RNF212B: variants seen among roughly 807,000 people sequenced by gnomAD.
RNF212B encodes ring finger protein 212B.
A neutral mutation model predicts 55.5 loss-of-function variants in RNF212B; 52 were observed. That is an observed-to-expected ratio of 0.94 (90% CI 0.75 to 1.18). RNF212B has a LOEUF of 1.18. Ranked by LOEUF, RNF212B falls within the 50% of genes most tolerant of loss-of-function variation. The pLI is 0.00. For synonymous variants in RNF212B, 99 were observed against 121.4 expected (o/e 0.82, Z 1.21); for missense variants, 289 against 350.4 (o/e 0.82, Z 1.40).
At position 23,269,052 on chromosome 14, in the gene RNF212B, C is replaced by T. The variant is rs768088170; in HGVS notation, c.674+89C>T. 32 of 1,114,304 alleles carry T rather than the reference C, an allele frequency of 2.9e-5. No homozygotes were observed. In the African/African-American group the frequency reaches 4.4e-4, roughly 15 times the overall value. 69.0% of individuals were successfully genotyped at this position (1,114,304 alleles called of 1,614,324 possible). ...GGGTGCGGTGGCTCACGCCTGTAAT[C>T]CCAGCACTTTGGGAGGCCGAGGAGG... On this transcript the variant is annotated intron_variant, in intron 12 of 14. Coordinates refer to ENST00000430154, the MANE Select transcript of RNF212B (RefSeq NM_001282322.3).
intron 2 of RNF212B, among the ~76,000 whole-genome samples, chr14:23,193,779 G>T (rs1328949727): frequency 6.6e-6 from 1 of 151,322 alleles, no homozygotes; most frequent in Non-Finnish European, 1.5e-5. Flanking sequence ...AATGGAAAGA[G>T]AAGAAGAGTG....
At chr14:23,250,992 C>T (rs1884364792) in intron 4 of RNF212B, among the ~76,000 whole-genome samples, 1 of 152,132 alleles carries the variant, frequency 6.6e-6, no homozygotes, top group Admixed American at 6.6e-5. Context: ...GGCAGGTTTG[C>T]CCTGAGCATT....
intron 2 of RNF212B, among the ~76,000 whole-genome samples, chr14:23,203,515 G>A (rs189407766): frequency 1.5e-5 from 2 of 135,750 alleles, no homozygotes; most frequent in Non-Finnish European, 3.1e-5. Context: ...GCCTTGCTCT[G>A]TCACCCACGC....
intron 2 of RNF212B, among the ~76,000 whole-genome samples, chr14:23,200,408 C>T (rs1020035992): frequency 6.6e-6 from 1 of 152,058 alleles, no homozygotes; most frequent in Non-Finnish European, 1.5e-5. Flanking sequence ...CCACTGCAAC[C>T]TCTGCCTCCT....
At chr14:23,257,414 T>C (rs2140466149) in intron 4 of RNF212B, among the ~76,000 whole-genome samples, 1 of 152,324 alleles carries the variant, frequency 6.6e-6, no homozygotes, top group South Asian at 2.1e-4. Context: ...TAAATTCTTA[T>C]CTATCTAAAA....
At chr14:23,236,978 G>A (rs576891664), upstream of RNF212B, among the ~76,000 whole-genome samples, 364 of 73,818 alleles carry the variant, frequency 4.9e-3, 1 homozygote, top group Admixed American at 9.8e-3. Context: ...TTTTTTTTTT[G>A]TTTGAGGCAG....
intron 4 of RNF212B, 180 bp from the exon 5 acceptor site, chr14:23,258,369 C>T (rs908207913): frequency 1.6e-5 from 5 of 314,124 alleles, no homozygotes; most frequent in Non-Finnish European, 2.9e-5. Context: ...CAGTAGAAGG[C>T]TAGTGTCCTG....
chr14:23,240,642 G>T (rs921137331), intron 2 of RNF212B, among the ~76,000 whole-genome samples, 197 bp downstream of exon 2: 4 of 152,198 alleles, frequency 2.6e-5, no homozygotes, highest in Admixed American at 2.0e-4. Flanking sequence ...TTTAGCAAAT[G>T]ATTTAGCAAA....
intron 11 of RNF212B, among the ~76,000 whole-genome samples, chr14:23,266,772 T>C (rs1315418418): frequency 2.0e-5 from 3 of 152,164 alleles, no homozygotes; most frequent in Non-Finnish European, 4.4e-5. Flanking sequence ...ATGCTCCATG[T>C]GTATGTGGAA....
chr14:23,205,073 T>G (rs1879700099), intron 2 of RNF212B, among the ~76,000 whole-genome samples: 1 of 152,160 alleles, frequency 6.6e-6, no homozygotes, highest in Non-Finnish European at 1.5e-5. Flanking sequence ...ACATCCCTCC[T>G]TCTTAATCAA....
At chr14:23,221,238 A>AT (rs1172740022) in intron 2 of RNF212B, among the ~76,000 whole-genome samples, 1 of 151,860 alleles carries the variant, frequency 6.6e-6, no homozygotes, top group Non-Finnish European at 1.5e-5. Context: ...AATAGGAAAA[A>AT]AAAAAAAAAA....
intron 4 of RNF212B, among the ~76,000 whole-genome samples, chr14:23,252,657 G>T (rs147266144): frequency 6.6e-6 from 1 of 152,154 alleles, no homozygotes; most frequent in Non-Finnish European, 1.5e-5. Context: ...GGGGATCATT[G>T]ATTGGTTAAG....
upstream of RNF212B, among the ~76,000 whole-genome samples, chr14:23,235,802 G>C (rs545213843): frequency 2.6e-5 from 4 of 152,300 alleles, no homozygotes; most frequent in South Asian, 8.3e-4. Context: ...TGGTCTAAAT[G>C]TATGATGTTA....
chr14:23,266,062 C>T (rs1300459419), intron 11 of RNF212B, among the ~76,000 whole-genome samples: 1 of 152,068 alleles, frequency 6.6e-6, no homozygotes, highest in Non-Finnish European at 1.5e-5. Flanking sequence ...CTGCCACCTT[C>T]GCCTCCCAGG....
intron 4 of RNF212B, 48 bp downstream of exon 4, chr14:23,244,444 A>G: frequency 3.0e-6 from 3 of 988,594 alleles, no homozygotes; most frequent in East Asian, 5.2e-5. Context: ...GGCAAATTCT[A>G]ATTGCATCTT....
intron 11 of RNF212B, among the ~76,000 whole-genome samples, chr14:23,265,982 T>A (rs537935741): frequency 6.6e-6 from 1 of 152,206 alleles, no homozygotes; most frequent in Non-Finnish European, 1.5e-5. Context: ...TTTGTTCATT[T>A]GTGTTTTTTT....
At chr14:23,221,156 G>A (rs1224809946) in intron 2 of RNF212B, among the ~76,000 whole-genome samples, 1 of 151,808 alleles carries the variant, frequency 6.6e-6, no homozygotes, top group Non-Finnish European at 1.5e-5. Context: ...GGAGGCTGAG[G>A]TGGACAGATC....
In RNF212B at chr14:23,263,073, T is replaced by C. The variant is rs77087749; in HGVS notation, c.524+103T>C. 1,885 of 1,075,478 alleles carry C rather than the reference T, an allele frequency of 1.8e-3. 27 individuals carry two copies. The African/African-American group carries it at 0.026, about 15-fold the overall frequency. The allele number at this position is 1,075,478 out of a possible 1,614,324, so 66.6% of individuals were successfully genotyped here. A position where few individuals can be genotyped will look rare whatever the true frequency, so the allele number is the denominator to read the frequency against. On this transcript the variant is annotated intron_variant, in intron 9 of 14. Transcript: ENST00000430154. Reference sequence around the variant, plus strand: ...GGACTGATGAAATTTTAGGTCTATGTAGAAGTTTAAAGCTAGGGTTTTTTT... The same window carrying C: ...GGACTGATGAAATTTTAGGTCTATGCAGAAGTTTAAAGCTAGGGTTTTTTT...
intron 2 of RNF212B, among the ~76,000 whole-genome samples, chr14:23,208,640 A>G (rs991855046): frequency 8.5e-5 from 13 of 152,162 alleles, no homozygotes; most frequent in African/African-American, 3.1e-4. Flanking sequence ...GATCTCACTC[A>G]AGAAAGAACT....
Sources: gnomAD v4.1 joint callset for allele counts (sites outside exome capture counted in the v4.1 genomes callset) on GRCh38, gnomAD v4.1.1 for gene constraint, MANE v1.5 for transcripts, NCBI Gene and HGNC (gene_info 2026-07-23, HGNC 2026-07-21) for gene names.